DSCAML1: variants seen among roughly 807,000 people sequenced by gnomAD.
The protein encoded by DSCAML1 is DS cell adhesion molecule like 1.
DSCAML1 carries 38 observed loss-of-function variants against 200.5 expected under a neutral mutation model. That is an observed-to-expected ratio of 0.19 (90% confidence interval 0.15 to 0.25). The LOEUF is 0.25. DSCAML1 is among the 10% of genes least tolerant of loss of function. The pLI is 1.00. For missense variants in DSCAML1, 2,223 were observed against 2,858.8 expected, an observed-to-expected ratio of 0.78 and a Z score of 5.07; for synonymous variants, 1,215 against 1,165.0, an observed-to-expected ratio of 1.04 and a Z score of -0.87.
chr11:117,625,242 G>A (rs185782641), intron 3 of DSCAML1, among the ~76,000 whole-genome samples: 11 of 152,026 alleles, frequency 7.2e-5, no homozygotes, highest in Non-Finnish European at 1.5e-4. Context: ...TTTCAGGCCC[G>A]GGGAAAGTAC....
intron 15 of DSCAML1, among the ~76,000 whole-genome samples, chr11:117,470,945 A>C (rs1160065707): frequency 6.6e-6 from 1 of 152,246 alleles, no homozygotes; most frequent in Non-Finnish European, 1.5e-5. Context: ...ACTAAATTAT[A>C]CATTTTATTG....
At chr11:117,771,467 G>T (rs2055038762) in intron 3 of DSCAML1, among the ~76,000 whole-genome samples, 1 of 152,172 alleles carries the variant, frequency 6.6e-6, no homozygotes. Flanking sequence ...CTTCAGAGGA[G>T]CCCAAGCCTC....
chr11:117,701,641 C>T (rs1384799529), intron 3 of DSCAML1, among the ~76,000 whole-genome samples: 1 of 152,178 alleles, frequency 6.6e-6, no homozygotes, highest in African/African-American at 2.4e-5. Flanking sequence ...CCATCCCATT[C>T]TCACTTCCAT....
intron 3 of DSCAML1, among the ~76,000 whole-genome samples, chr11:117,637,478 T>C (rs1331282987): frequency 6.6e-6 from 1 of 151,956 alleles, no homozygotes; most frequent in Non-Finnish European, 1.5e-5. Flanking sequence ...CCCGAGTAGC[T>C]GGGATTACAG....
At chr11:117,656,708 A>G (rs530610245) in intron 3 of DSCAML1, among the ~76,000 whole-genome samples, 16 of 152,216 alleles carry the variant, frequency 1.1e-4, no homozygotes, top group Non-Finnish European at 1.9e-4. Context: ...ATTTGAAGAT[A>G]GACTCCAGAC....
At chr11:117,716,509 C>G (rs56153022) in intron 3 of DSCAML1, among the ~76,000 whole-genome samples, 5,900 of 152,216 alleles carry the variant, frequency 0.039, 250 homozygotes, top group African/African-American at 0.11. Context: ...ATGAGCGCTG[C>G]AAAACCAGCT....
At chr11:117,439,047 C>T (rs1224823940) in intron 23 of DSCAML1, 64 bp from the exon 24 acceptor site, 6 of 1,472,276 alleles carry the variant, frequency 4.1e-6, no homozygotes, top group East Asian at 4.7e-5. Flanking sequence ...TGTGGGGAGT[C>T]CCCCCGTGAC....
chr11:117,590,490 G>A (rs1054116449), intron 3 of DSCAML1, among the ~76,000 whole-genome samples: 5 of 152,166 alleles, frequency 3.3e-5, no homozygotes, highest in Admixed American at 6.5e-5. Context: ...ACACCTGTAA[G>A]TTATTTTTGT....
In DSCAML1 at chr11:117,443,996, C is replaced by T. The variant is rs747311471; in HGVS notation, c.3752G>A (p.Arg1251Gln). Reference protein sequence around the residue: ...YETSPEQLFYRIAHLNRGQQY... With the variant: ...YETSPEQLFYQIAHLNRGQQY... Reference sequence around the variant, plus strand: ...CTGACCGCGGTTTAGGTGGGCGATCCGGTAGAAGAGCTGCTCTGGACTCGT... The same window carrying T: ...CTGACCGCGGTTTAGGTGGGCGATCTGGTAGAAGAGCTGCTCTGGACTCGT... The change falls in exon 21 of 33, where the codon CGG (arginine) becomes CAG (glutamine). Residue 1251 changes from arginine (R) to glutamine (Q), a missense_variant. Arg to Gln is a conservative substitution (Grantham distance 43). Around this residue, in one of 7 missense-constraint regions of DSCAML1, gnomAD observed 614 missense variants for 739.1 expected, o/e 0.83. Transcript: ENST00000651296. The T allele has an allele frequency of 1.9e-5, 30 of 1,613,808 alleles. No homozygotes were observed. Among genetic ancestry groups the T allele is most frequent in the Non-Finnish European group, 2.5e-5 (30 of 1,179,972 alleles).
intron 3 of DSCAML1, among the ~76,000 whole-genome samples, chr11:117,731,281 C>A (rs1403789909): frequency 6.6e-6 from 1 of 152,134 alleles, no homozygotes; most frequent in Admixed American, 6.5e-5. Context: ...AGAACCGCAG[C>A]CCTCTGGTTC....
intron 3 of DSCAML1, among the ~76,000 whole-genome samples, chr11:117,685,813 C>CTG (rs1340496204): frequency 6.6e-6 from 1 of 152,162 alleles, no homozygotes; most frequent in Non-Finnish European, 1.5e-5. Flanking sequence ...TTGTACAGTC[C>CTG]TGTCATTCGT....
chr11:117,516,932 C>T lies in DSCAML1; in HGVS notation c.1511-193G>A, dbSNP rs1013206931. 6.6e-6 allele frequency among the ~76,000 whole-genome samples: 1 copy of T among 152,090 alleles called. No individual in the cohort carries two copies. Among genetic ancestry groups the T allele is most frequent in the African/African-American group, 2.4e-5 (1 of 41,412 alleles). On this transcript the variant is annotated intron_variant, in intron 7 of 32. Transcript: ENST00000651296. This position sits in a 1 kb window ranked among gnomAD's most constrained non-coding sequence, Gnocchi z 5.7. Reference sequence around the variant, plus strand: ...GACAGGGGCTGGAATTGGGGGGTGCCCACAGTCTCTCCAGGACTCACTGTT... The same window carrying T: ...GACAGGGGCTGGAATTGGGGGGTGCTCACAGTCTCTCCAGGACTCACTGTT...
intron 1 of DSCAML1, among the ~76,000 whole-genome samples, chr11:117,783,650 C>G (rs1333948645): frequency 6.6e-6 from 1 of 152,142 alleles, no homozygotes; most frequent in Non-Finnish European, 1.5e-5. Flanking sequence ...GAGAAGTTCA[C>G]TAACTTCCCC....
intron 32 of DSCAML1, among the ~76,000 whole-genome samples, chr11:117,429,042 A>ATTC (rs2047729484): frequency 6.6e-6 from 1 of 152,178 alleles, no homozygotes; most frequent in Non-Finnish European, 1.5e-5. Flanking sequence ...TGAGGAGCGA[A>ATTC]TGAGGTGAGG....
At chr11:117,607,112 C>G (rs116355182) in intron 3 of DSCAML1, among the ~76,000 whole-genome samples, 1 of 152,204 alleles carries the variant, frequency 6.6e-6, no homozygotes. Context: ...TGGGGGAGGG[C>G]AGCAGGGCAG....
upstream of DSCAML1, among the ~76,000 whole-genome samples, chr11:117,799,001 G>T (rs995842960): frequency 1.3e-5 from 2 of 152,136 alleles, no homozygotes; most frequent in East Asian, 1.9e-4. Flanking sequence ...ACTGCAGGGG[G>T]TGTTTGAGAT....
chr11:117,756,252 G>C (rs1344638580), intron 3 of DSCAML1, among the ~76,000 whole-genome samples: 2 of 152,212 alleles, frequency 1.3e-5, no homozygotes, highest in African/African-American at 4.8e-5. Flanking sequence ...TTAGGGGCAG[G>C]GATGCCTTTC....
intron 3 of DSCAML1, among the ~76,000 whole-genome samples, chr11:117,674,505 C>T (rs1454685655): frequency 1.3e-5 from 2 of 152,152 alleles, no homozygotes; most frequent in Non-Finnish European, 2.9e-5. Flanking sequence ...GTACCACGTC[C>T]TCATGATTGG....
intron 3 of DSCAML1, among the ~76,000 whole-genome samples, chr11:117,578,713 C>A (rs1156470704): frequency 6.6e-6 from 1 of 152,056 alleles, no homozygotes; most frequent in Non-Finnish European, 1.5e-5. Context: ...TGTTGGTGTG[C>A]CCCAAGGTCC....
Sources: gnomAD v4.1 joint callset for allele counts (sites outside exome capture counted in the v4.1 genomes callset) on GRCh38, gnomAD v4.1.1 for gene constraint, gnomAD v4.1.1 regional missense constraint, Gnocchi (gnomAD v3.1) non-coding constraint, MANE v1.5 for transcripts, NCBI Gene and HGNC (gene_info 2026-07-23, HGNC 2026-07-21) for gene names.